PTPRJ: variants seen among roughly 807,000 people sequenced by gnomAD.
The protein encoded by PTPRJ is protein tyrosine phosphatase receptor type J.
PTPRJ carries 129 observed loss-of-function variants against 141.3 expected under a neutral mutation model. The observed-to-expected ratio is 0.91, with a 90% CI of 0.79 to 1.06. PTPRJ has a LOEUF of 1.06. Among genes scored for constraint, PTPRJ ranks in the 50% least tolerant of loss-of-function variants. The pLI, the probability that PTPRJ is intolerant of heterozygous loss-of-function variation, is 0.00. For missense variants in PTPRJ, 1,601 were observed against 1,679.7 expected (o/e 0.95, Z 0.82); for synonymous variants, 610 against 640.5 (o/e 0.95, Z 0.72).
intron 6 of PTPRJ, among the ~76,000 whole-genome samples, chr11:48,126,632 G>A (rs1856838895): frequency 6.6e-6 from 1 of 151,902 alleles, no homozygotes; most frequent in Non-Finnish European, 1.5e-5. Flanking sequence ...CAGCCTTTTT[G>A]ATAAGGGCAC....
chr11:48,022,394 G>A (rs1855151350), intron 1 of PTPRJ, among the ~76,000 whole-genome samples: 1 of 151,938 alleles, frequency 6.6e-6, no homozygotes, highest in East Asian at 1.9e-4. Flanking sequence ...AACCTGGGAG[G>A]CAGAGGTTGC....
rs182457291 is a variant in PTPRJ, at chr11:48,113,927, G to A, written c.352+944G>A. Among the ~76,000 whole-genome samples the A allele has an allele frequency of 2.7e-4, 41 of 152,082 alleles. No individual in the cohort carries two copies. The East Asian group carries it at 7.5e-3, about 28-fold the overall frequency. Reference sequence around the variant, plus strand: ...TAATAATTTTTAAGAAGTTAAAAGGGCCCTGAGACCACAGTGTTTAAGAAT... The same window carrying A: ...TAATAATTTTTAAGAAGTTAAAAGGACCCTGAGACCACAGTGTTTAAGAAT... On this transcript the variant is annotated intron_variant, in intron 3 of 24. Coordinates refer to ENST00000418331, the MANE Select transcript of PTPRJ (RefSeq NM_002843.4).
chr11:48,079,588 G>A (rs1320525809), intron 1 of PTPRJ, among the ~76,000 whole-genome samples: 1 of 152,114 alleles, frequency 6.6e-6, no homozygotes, highest in Non-Finnish European at 1.5e-5. Flanking sequence ...CTAACTCTGA[G>A]GCTCTTGGGG....
chr11:48,064,212 G>GC (rs1227182784), intron 1 of PTPRJ, among the ~76,000 whole-genome samples: 3 of 152,004 alleles, frequency 2.0e-5, no homozygotes, highest in Non-Finnish European at 2.9e-5. Context: ...TTTTAACTGT[G>GC]CATCAAATGG....
chr11:48,088,263 T>C (rs181244090), intron 1 of PTPRJ, among the ~76,000 whole-genome samples: 62 of 152,346 alleles, frequency 4.1e-4, no homozygotes, highest in African/African-American at 1.4e-3. Flanking sequence ...TCTAGAGCAC[T>C]GGGAGGCTGC....
chr11:48,156,408 A>G (rs1857601883), intron 21 of PTPRJ, among the ~76,000 whole-genome samples: 1 of 152,112 alleles, frequency 6.6e-6, no homozygotes, highest in African/African-American at 2.4e-5. Flanking sequence ...GCCTAGTGCA[A>G]GATGCTGTTC....
intron 1 of PTPRJ, among the ~76,000 whole-genome samples, chr11:48,088,457 G>C (rs1490878290): frequency 6.6e-6 from 1 of 152,204 alleles, no homozygotes; most frequent in Non-Finnish European, 1.5e-5. Flanking sequence ...CCTGGTGACA[G>C]TTTTAGTGGC....
chr11:48,044,005 A>G (rs533076544), intron 1 of PTPRJ, among the ~76,000 whole-genome samples: 2 of 152,150 alleles, frequency 1.3e-5, no homozygotes, highest in South Asian at 4.1e-4. Context: ...ATACTCCTTC[A>G]CTGTTGCTTT....
intron 1 of PTPRJ, among the ~76,000 whole-genome samples, chr11:48,092,294 C>CAAAAAAAAAAAAAAAAAA (rs3971621): frequency 4.3e-4 from 20 of 46,950 alleles, no homozygotes; most frequent in East Asian, 8.1e-4. Flanking sequence ...GATTTCATCT[C>CAAAAAAAAAAAAAAAAAA]AAAAAAAAAA....
intron 21 of PTPRJ, among the ~76,000 whole-genome samples, chr11:48,159,119 T>TG (rs376124837): frequency 6.0e-5 from 1 of 16,734 alleles, no homozygotes; most frequent in Non-Finnish European, 1.0e-4. Context: ...TGTGTGTATG[T>TG]GGGGTGTGTG....
chr11:48,050,656 A>G (rs184527274), intron 1 of PTPRJ, among the ~76,000 whole-genome samples: 15 of 152,272 alleles, frequency 9.9e-5, no homozygotes, highest in African/African-American at 2.9e-4. Context: ...GTTTGCTGAG[A>G]TGTCTTGTAC....
At chr11:48,032,933 G>A (rs1041148006) in intron 1 of PTPRJ, among the ~76,000 whole-genome samples, 9 of 151,654 alleles carry the variant, frequency 5.9e-5, no homozygotes, top group Non-Finnish European at 5.9e-5. Flanking sequence ...AAACAAAAGT[G>A]TAGGCTGGGT....
At chr11:48,157,206 C>T (rs531102536) in intron 21 of PTPRJ, among the ~76,000 whole-genome samples, 1 of 152,224 alleles carries the variant, frequency 6.6e-6, no homozygotes, top group African/African-American at 2.4e-5. Context: ...CCAGGATGGT[C>T]TCAATCTCCT....
chr11:48,069,721 G>T (rs1393981344), intron 1 of PTPRJ, among the ~76,000 whole-genome samples: 1 of 152,176 alleles, frequency 6.6e-6, no homozygotes, highest in Non-Finnish European at 1.5e-5. Flanking sequence ...AAAGTGCTGG[G>T]ATTACAGGCC....
At chr11:48,128,191 G>A in intron 7 of PTPRJ, 148 bp downstream of exon 7, 1 of 1,073,172 alleles carries the variant, frequency 9.3e-7, no homozygotes, top group African/African-American at 1.6e-5. Context: ...CTGGCACATT[G>A]TATGCTCACA....
intron 1 of PTPRJ, among the ~76,000 whole-genome samples, chr11:48,038,254 T>C (rs111724870): frequency 1.5e-3 from 234 of 152,280 alleles, no homozygotes; most frequent in African/African-American, 5.4e-3. Flanking sequence ...CAAGTGTTCA[T>C]GGCGTAACTT....
intron 23 of PTPRJ, 132 bp downstream of exon 23, chr11:48,163,750 C>T (rs1857843315): frequency 9.1e-7 from 1 of 1,103,908 alleles, no homozygotes; most frequent in African/African-American, 1.6e-5. Context: ...GATAAGGAAC[C>T]ATGGACTTAC....
intron 1 of PTPRJ, among the ~76,000 whole-genome samples, chr11:48,101,089 C>T (rs943031609): frequency 2.0e-5 from 3 of 152,256 alleles, no homozygotes; most frequent in Middle Eastern, 3.4e-3. Flanking sequence ...GCTGACGGTG[C>T]CAGGTGACTC....
At chr11:48,150,046 A>C (rs768577328) in intron 17 of PTPRJ, 48 bp downstream of exon 17, 1 of 1,546,368 alleles carries the variant, frequency 6.5e-7, no homozygotes, top group East Asian at 2.2e-5. Context: ...TTTCTATTGA[A>C]TATGGACTTC....
Sources: gnomAD v4.1 joint callset for allele counts (sites outside exome capture counted in the v4.1 genomes callset) on GRCh38, gnomAD v4.1.1 for gene constraint, MANE v1.5 for transcripts, NCBI Gene and HGNC (gene_info 2026-07-23, HGNC 2026-07-21) for gene names.